NAALADL2: variants seen among roughly 807,000 people sequenced by gnomAD.
NAALADL2 encodes N-acetylated alpha-linked acidic dipeptidase like 2.
In NAALADL2, 76 loss-of-function variants were observed where a neutral mutation model predicts 87.2. That is an observed-to-expected ratio of 0.87 (90% confidence interval 0.72 to 1.05). The LOEUF is 1.05. Among genes scored for constraint, NAALADL2 ranks in the 50% least tolerant of loss-of-function variants. The probability of loss-of-function intolerance (pLI) is 0.00; values close to 1 mark genes in which losing one functional copy is unlikely to be tolerated. For missense variants in NAALADL2, 1,089 were observed against 945.8 expected, an observed-to-expected ratio of 1.15 and a Z score of -1.99; for synonymous variants, 354 against 331.0, an observed-to-expected ratio of 1.07 and a Z score of -0.75.
At chr3:175,771,560 C>T (rs889033926) in intron 13 of NAALADL2, among the ~76,000 whole-genome samples, 3 of 152,072 alleles carry the variant, frequency 2.0e-5, no homozygotes, top group Non-Finnish European at 2.9e-5. Context: ...AGGGAGAATC[C>T]GTTCCCTGTG....
chr3:175,669,080 T>C (rs776911635), intron 11 of NAALADL2, among the ~76,000 whole-genome samples: 3 of 152,124 alleles, frequency 2.0e-5, no homozygotes, highest in South Asian at 2.1e-4. Context: ...GGGTCATTGA[T>C]AGGCATTAGT....
At chr3:175,007,409 G>A (rs1435689814) in intron 1 of NAALADL2, among the ~76,000 whole-genome samples, 1 of 152,254 alleles carries the variant, frequency 6.6e-6, no homozygotes, top group East Asian at 1.9e-4. Flanking sequence ...AACCACATGG[G>A]CTATCTTCAG....
intron 11 of NAALADL2, among the ~76,000 whole-genome samples, chr3:175,682,272 T>G (rs1022137398): frequency 5.3e-5 from 8 of 152,040 alleles, no homozygotes; most frequent in Non-Finnish European, 1.2e-4. Context: ...TTATAAAATT[T>G]TATAACATAT....
intron 2 of NAALADL2, among the ~76,000 whole-genome samples, chr3:174,694,976 G>A (rs560740845): frequency 2.6e-5 from 4 of 152,106 alleles, no homozygotes; most frequent in African/African-American, 9.6e-5. Context: ...TAGATTAGAA[G>A]CAAGGAATTC....
chr3:174,633,493 A>G (rs1722343963), intron 2 of NAALADL2, among the ~76,000 whole-genome samples: 1 of 152,212 alleles, frequency 6.6e-6, no homozygotes, highest in Admixed American at 6.5e-5. Context: ...ATATTTATCC[A>G]TCACTTCCAG....
chr3:174,487,563 A>G (rs1318454737), intron 1 of NAALADL2, among the ~76,000 whole-genome samples: 1 of 152,060 alleles, frequency 6.6e-6, no homozygotes, highest in Non-Finnish European at 1.5e-5. Context: ...TGTTGAGGAA[A>G]GTGGGATAGT....
At chr3:175,756,807 A>G (rs562939667) in intron 13 of NAALADL2, among the ~76,000 whole-genome samples, 56 of 152,112 alleles carry the variant, frequency 3.7e-4, no homozygotes, top group African/African-American at 1.3e-3. Flanking sequence ...GAATCTCTAC[A>G]AATTTTAGAA....
At chr3:175,665,932 C>CT (rs1242089135) in intron 11 of NAALADL2, among the ~76,000 whole-genome samples, 4 of 151,626 alleles carry the variant, frequency 2.6e-5, no homozygotes, top group Admixed American at 6.6e-5. Context: ...TCTGTCCCCC[C>CT]CCCAAAAAAA....
chr3:175,572,500 G>A (rs1055954679), intron 9 of NAALADL2, among the ~76,000 whole-genome samples: 1 of 151,920 alleles, frequency 6.6e-6, no homozygotes, highest in African/African-American at 2.4e-5. Flanking sequence ...AGGCAAGGCA[G>A]AGCAAACTAT....
chr3:175,181,678 C>CAT (rs140291952), intron 2 of NAALADL2, among the ~76,000 whole-genome samples: 6,849 of 52,390 alleles, frequency 0.13, 1,011 homozygotes, highest in South Asian at 0.2. Context: ...ATTCCATTGG[C>CAT]ATATATATAT....
intron 1 of NAALADL2, among the ~76,000 whole-genome samples, chr3:175,092,543 T>C (rs917995489): frequency 2.0e-5 from 3 of 151,954 alleles, no homozygotes; most frequent in Non-Finnish European, 4.4e-5. Context: ...ATTTTACATA[T>C]TAAATTTTCA....
chr3:174,607,116 T>A (rs917406317), intron 2 of NAALADL2, among the ~76,000 whole-genome samples: 1 of 152,032 alleles, frequency 6.6e-6, no homozygotes, highest in African/African-American at 2.4e-5. Flanking sequence ...AAGCAAATGC[T>A]GAGAGATTTT....
At chr3:175,105,493 G>A (rs1580470349) in intron 2 of NAALADL2, among the ~76,000 whole-genome samples, 1 of 49,166 alleles carries the variant, frequency 2.0e-5, no homozygotes, top group Non-Finnish European at 4.3e-5. Flanking sequence ...ATGTATGTAT[G>A]TGTGTGTATA....
intron 2 of NAALADL2, among the ~76,000 whole-genome samples, chr3:174,668,732 C>G (rs7619375): frequency 0.64 from 96,793 of 152,032 alleles, 31,538 homozygotes; most frequent in Admixed American, 0.72. Flanking sequence ...TCATCCATGT[C>G]CCTACAAAGG....
intron 1 of NAALADL2, among the ~76,000 whole-genome samples, chr3:174,865,111 C>G (rs1018839825): frequency 1.3e-4 from 20 of 152,050 alleles, no homozygotes; most frequent in African/African-American, 4.8e-4. Flanking sequence ...TAAATGCTTT[C>G]TGTAATTTAT....
upstream of NAALADL2, chr3:174,859,284 T>G (rs1726180520): frequency 1.4e-6 from 1 of 694,264 alleles, no homozygotes; most frequent in Non-Finnish European, 2.5e-6. Context: ...TGGTAATTAT[T>G]CACAGAAGAA....
At chr3:174,890,804 TTAC>T (rs1370432917) in intron 1 of NAALADL2, among the ~76,000 whole-genome samples, 2 of 152,108 alleles carry the variant, frequency 1.3e-5, no homozygotes, top group Non-Finnish European at 2.9e-5. Flanking sequence ...TGAACAATAA[TTAC>T]TAAATAAATA....
intron 1 of NAALADL2, among the ~76,000 whole-genome samples, chr3:175,021,418 T>C (rs185573913): frequency 6.6e-6 from 1 of 152,116 alleles, no homozygotes; most frequent in East Asian, 1.9e-4. Context: ...CTCTGGGATA[T>C]GAAGGTAAAA....
At chr3:175,692,013 C>T (rs764945895) in intron 11 of NAALADL2, among the ~76,000 whole-genome samples, 4 of 152,058 alleles carry the variant, frequency 2.6e-5, no homozygotes, top group Non-Finnish European at 5.9e-5. Flanking sequence ...CTCTTCCTGG[C>T]TCTCTTCTCA....
Sources: allele counts gnomAD v4.1 joint callset (sites outside exome capture counted in the v4.1 genomes callset), GRCh38; gene constraint gnomAD v4.1.1; transcripts MANE v1.5; gene names NCBI Gene and HGNC (gene_info 2026-07-23, HGNC 2026-07-21).